COL26A1: variants seen among roughly 807,000 people sequenced by gnomAD.
COL26A1 encodes the protein collagen type XXVI alpha 1 chain, also known as collagen alpha-1(XXVI) chain.
A neutral mutation model predicts 59.3 loss-of-function variants in COL26A1; 41 were observed. The observed-to-expected ratio is 0.69, with a 90% CI of 0.54 to 0.90. The LOEUF is 0.90. COL26A1 is among the 40% of genes least tolerant of loss of function. The pLI is 0.00. For synonymous variants in COL26A1, 266 were observed against 256.0 expected (o/e 1.04, Z -0.37); for missense variants, 612 against 602.3 (o/e 1.02, Z -0.17).
chr7:101,529,643 T>C (rs956685652), intron 3 of COL26A1, among the ~76,000 whole-genome samples: 1 of 152,204 alleles, frequency 6.6e-6, no homozygotes, highest in African/African-American at 2.4e-5. Flanking sequence ...ATACCCCTTG[T>C]TCAGCTCCTA....
intron 1 of COL26A1, among the ~76,000 whole-genome samples, chr7:101,367,008 G>A (rs546700566): frequency 1.3e-5 from 2 of 152,254 alleles, no homozygotes; most frequent in South Asian, 4.1e-4. Context: ...TCCCAGTGGT[G>A]TAGTTAACTT....
chr7:101,545,508 G>C lies in COL26A1; in HGVS notation c.856+18G>C. On this transcript the variant is annotated intron_variant, in intron 7 of 12. Coordinates refer to ENST00000313669, the MANE Select transcript of COL26A1 (RefSeq NM_001278563.3). ...CAAAGACAGTGAGTAATGCCCCTGG[G>C]GGGCCAAGGGAGGGCTGAGCTACGC... The C allele has an allele frequency of 6.3e-7, 1 of 1,590,000 alleles. No individual in the cohort carries two copies. Among genetic ancestry groups the C allele is most frequent in the Non-Finnish European group, 8.5e-7 (1 of 1,172,190 alleles).
intron 5 of COL26A1, among the ~76,000 whole-genome samples, chr7:101,540,381 T>C (rs1374972924): frequency 6.8e-6 from 1 of 147,822 alleles, no homozygotes; most frequent in Non-Finnish European, 1.5e-5. Context: ...CTACTAAAAA[T>C]ACAAAAATTA....
At chr7:101,366,045 G>A (rs924441442) in intron 1 of COL26A1, among the ~76,000 whole-genome samples, 7 of 152,170 alleles carry the variant, frequency 4.6e-5, no homozygotes, top group African/African-American at 1.7e-4. Flanking sequence ...AACAGGGAGA[G>A]GATATAATTA....
At chr7:101,384,030 T>C (rs1162591430) in intron 1 of COL26A1, among the ~76,000 whole-genome samples, 2 of 152,138 alleles carry the variant, frequency 1.3e-5, no homozygotes. Context: ...ATTTATTTAT[T>C]TGAGACAGGG....
intron 3 of COL26A1, among the ~76,000 whole-genome samples, chr7:101,483,996 T>TGTGTGTGTGTGA (rs1794214258): frequency 7.4e-6 from 1 of 134,638 alleles, no homozygotes; most frequent in Non-Finnish European, 1.5e-5. Flanking sequence ...TTAAAGTGTG[T>TGTGTGTGTGTGA]GTGTGTGTGT....
intron 1 of COL26A1, among the ~76,000 whole-genome samples, chr7:101,386,265 T>G (rs1305720481): frequency 1.4e-5 from 2 of 145,792 alleles, no homozygotes; most frequent in Admixed American, 6.7e-5. Flanking sequence ...TTGTTTTTTT[T>G]TTTTTTTTTT....
intron 12 of COL26A1, among the ~76,000 whole-genome samples, chr7:101,556,980 A>G (rs1795991282): frequency 7.0e-6 from 1 of 143,544 alleles, no homozygotes. Flanking sequence ...TGGATAAGTG[A>G]GTGGATGGAT....
At chr7:101,447,123 G>T (rs1793216038) in intron 2 of COL26A1, among the ~76,000 whole-genome samples, 1 of 152,108 alleles carries the variant, frequency 6.6e-6, no homozygotes, top group Non-Finnish European at 1.5e-5. Context: ...GGTCTGGGTG[G>T]TATCAGCTGA....
chr7:101,475,307 T>C (rs1794006027), intron 3 of COL26A1, among the ~76,000 whole-genome samples: 1 of 151,430 alleles, frequency 6.6e-6, no homozygotes, highest in Non-Finnish European at 1.5e-5. Flanking sequence ...TCCTTTCCTT[T>C]AGGTAGGGAG....
intron 2 of COL26A1, among the ~76,000 whole-genome samples, chr7:101,446,174 T>C (rs1318482719): frequency 6.6e-6 from 1 of 151,994 alleles, no homozygotes; most frequent in African/African-American, 2.4e-5. Context: ...AGACCATTCA[T>C]GAGAGGTCTG....
intron 1 of COL26A1, among the ~76,000 whole-genome samples, chr7:101,404,636 C>G (rs1792085905): frequency 6.6e-6 from 1 of 152,240 alleles, no homozygotes; most frequent in South Asian, 2.1e-4. Flanking sequence ...TGGCTCATAC[C>G]TGGAATCCCA....
intron 3 of COL26A1, among the ~76,000 whole-genome samples, chr7:101,465,933 C>T (rs1427699211): frequency 6.6e-6 from 1 of 152,080 alleles, no homozygotes; most frequent in Non-Finnish European, 1.5e-5. Context: ...GCAAGGGTGC[C>T]GTGGCACTGC....
At chr7:101,489,706 T>G (rs565525977) in intron 3 of COL26A1, among the ~76,000 whole-genome samples, 6 of 104,158 alleles carry the variant, frequency 5.8e-5, no homozygotes, top group African/African-American at 1.8e-4. Flanking sequence ...TCTGTCTTTC[T>G]TTCTTTCATT....
At chr7:101,453,026 C>T (rs977563078) in intron 3 of COL26A1, among the ~76,000 whole-genome samples, 3 of 152,158 alleles carry the variant, frequency 2.0e-5, no homozygotes, top group African/African-American at 7.2e-5. Context: ...GTTGGGATTA[C>T]AGGCGTGAGC....
At chr7:101,432,488 G>A (rs1218453873) in intron 2 of COL26A1, among the ~76,000 whole-genome samples, 2 of 152,226 alleles carry the variant, frequency 1.3e-5, no homozygotes, top group South Asian at 4.1e-4. Flanking sequence ...GGCTGGCAGG[G>A]CATGCCATTT....
intron 2 of COL26A1, among the ~76,000 whole-genome samples, chr7:101,438,619 G>A (rs1474985993): frequency 6.6e-6 from 1 of 151,432 alleles, no homozygotes; most frequent in Non-Finnish European, 1.5e-5. Flanking sequence ...GGTGTGAGTG[G>A]GCCGAGTACG....
At chr7:101,442,329 C>CT (rs35025332) in intron 2 of COL26A1, among the ~76,000 whole-genome samples, 46,576 of 139,118 alleles carry the variant, frequency 0.33, 8,348 homozygotes, top group African/African-American at 0.48. Flanking sequence ...CTAGGTCTTT[C>CT]TTTTTTTTTT....
chr7:101,393,171 C>A (rs1239635389), intron 1 of COL26A1, among the ~76,000 whole-genome samples: 3 of 151,920 alleles, frequency 2.0e-5, no homozygotes, highest in East Asian at 1.9e-4. Flanking sequence ...CCAGCTAATT[C>A]TTTTGTAATT....
Sources: gnomAD v4.1 joint callset for allele counts (sites outside exome capture counted in the v4.1 genomes callset) on GRCh38, gnomAD v4.1.1 for gene constraint, MANE v1.5 for transcripts, NCBI Gene and HGNC (gene_info 2026-07-23, HGNC 2026-07-21) for gene names.